The following AP3S2 variants were observed in gnomAD, a reference collection of about 807,000 sequenced individuals.
AP3S2 encodes adaptor related protein complex 3 subunit sigma 2.
A neutral mutation model predicts 23.4 loss-of-function variants in AP3S2; 22 were observed. The observed-to-expected ratio is 0.94, with a 90% CI of 0.67 to 1.34. The LOEUF (loss-of-function observed/expected upper bound fraction) is 1.34, where lower values mean the gene tolerates loss of function less well. Among genes scored for constraint, AP3S2 ranks in the 40% most tolerant of loss-of-function variants. AP3S2 has a pLI of 0.00. For missense variants in AP3S2, 241 were observed against 236.9 expected, an observed-to-expected ratio of 1.02 and a Z score of -0.11; for synonymous variants, 86 against 87.1, an observed-to-expected ratio of 0.99 and a Z score of 0.07.
At chr15:89,889,632 G>A (rs768932698) in intron 1 of AP3S2, among the ~76,000 whole-genome samples, 36 of 151,848 alleles carry the variant, frequency 2.4e-4, no homozygotes, top group Non-Finnish European at 1.8e-4. Context: ...TCAGGAGTTC[G>A]AGACCAGCCT....
At chr15:89,890,868 T>C (rs773601820) in intron 1 of AP3S2, among the ~76,000 whole-genome samples, 3 of 152,246 alleles carry the variant, frequency 2.0e-5, no homozygotes, top group Non-Finnish European at 4.4e-5. Flanking sequence ...ATGGAATGGC[T>C]CACAGTATTT....
intron 3 of AP3S2, chr15:89,883,819 A>T (rs556702503): frequency 1.3e-5 from 2 of 152,234 alleles, no homozygotes; most frequent in African/African-American, 4.8e-5. Context: ...GGAAAGGGGA[A>T]GAAGGATATT....
At chr15:89,848,859 T>C (rs950985692) in intron 4 of AP3S2, 2 of 152,230 alleles carry the variant, frequency 1.3e-5, no homozygotes, top group African/African-American at 4.8e-5. Flanking sequence ...AGTCAGACTC[T>C]AGTTCCCATA....
chr15:89,868,181 C>T lies in AP3S2; in HGVS notation c.345+3294G>A, dbSNP rs1438702330. 5.7e-5 allele frequency among the ~76,000 whole-genome samples: 4 copies of T among 69,766 alleles called. 1 individual carries two copies. Among genetic ancestry groups the T allele is most frequent in the Non-Finnish European group, 1.0e-4 (3 of 29,986 alleles). 45.8% of individuals were successfully genotyped at this position (69,766 alleles called of 152,430 possible). A position where few individuals can be genotyped will look rare whatever the true frequency, so the allele number is the denominator to read the frequency against. On this transcript the variant is annotated intron_variant, in intron 4 of 5. Transcript: ENST00000336418. Reference sequence around the variant, plus strand: ...GAGGGAGGTGGGGGGGTCAGCCCCCCGCCTGGCCAGCTGCCCCGTCCGGGA... The same window carrying T: ...GAGGGAGGTGGGGGGGTCAGCCCCCTGCCTGGCCAGCTGCCCCGTCCGGGA...
At chr15:89,876,427 A>G (rs1896444793) in intron 3 of AP3S2, 1 of 152,354 alleles carries the variant, frequency 6.6e-6, no homozygotes, top group South Asian at 2.1e-4. Flanking sequence ...TCCAAAAAGG[A>G]AAGAAAAAAA....
intron 1 of AP3S2, chr15:89,889,440 A>C: frequency 3.5e-6 from 1 of 288,130 alleles, no homozygotes; most frequent in Non-Finnish European, 6.7e-6. Flanking sequence ...ATAAACTCTC[A>C]TACAAAGTCA....
At position 89,883,401 on chromosome 15, in the gene AP3S2, C is replaced by CTT. The variant is rs545156078; in HGVS notation, c.273+5118_273+5119dup. On this transcript the variant is annotated intron_variant, in intron 3 of 5. Coordinates refer to ENST00000336418, the MANE Select transcript of AP3S2 (RefSeq NM_005829.5). ...TTAGAGTAAACAATAAAAGATACTCCTTTTTTTTTTTTGAGACAGAATCTC... is the reference window on the plus strand; with the variant it reads ...TTAGAGTAAACAATAAAAGATACTCCTTTTTTTTTTTTTTGAGACAGAATCTC... Among the ~76,000 whole-genome samples, 300 of 145,760 alleles carry CTT rather than the reference C, an allele frequency of 2.1e-3. 1 individual carries two copies. Among genetic ancestry groups the CTT allele is most frequent in the African/African-American group, 7.1e-3 (284 of 40,020 alleles).
chr15:89,854,549 C>T (rs1895764220), intron 4 of AP3S2, among the ~76,000 whole-genome samples: 2 of 88,576 alleles, frequency 2.3e-5, no homozygotes, highest in Admixed American at 9.7e-5. Flanking sequence ...CCCGGCCAGC[C>T]GCCCCGTCCG....
intron 4 of AP3S2, among the ~76,000 whole-genome samples, chr15:89,844,598 C>T (rs1219422099): frequency 6.6e-6 from 1 of 151,972 alleles, no homozygotes; most frequent in Non-Finnish European, 1.5e-5. Context: ...ATCCTCCCGC[C>T]TCAGCCTTCC....
intron 4 of AP3S2, among the ~76,000 whole-genome samples, chr15:89,867,035 T>C (rs1287239473): frequency 4.1e-5 from 4 of 96,488 alleles, no homozygotes; most frequent in Non-Finnish European, 5.9e-5. Context: ...CCTCTCCCTC[T>C]CCCTCTCCCT....
At chr15:89,890,793 A>G (rs1896802092) in intron 1 of AP3S2, among the ~76,000 whole-genome samples, 1 of 152,242 alleles carries the variant, frequency 6.6e-6, no homozygotes, top group Non-Finnish European at 1.5e-5. Flanking sequence ...GGTTATTTAA[A>G]AGAAACAGAG....
chr15:89,836,687 A>G (rs769713404), intron 5 of AP3S2, among the ~76,000 whole-genome samples: 7 of 151,996 alleles, frequency 4.6e-5, no homozygotes, highest in Non-Finnish European at 7.4e-5. Flanking sequence ...CCGGATACCA[A>G]CTCTGCTTCT....
At chr15:89,874,063 T>C (rs747677776) in intron 3 of AP3S2, among the ~76,000 whole-genome samples, 14 of 151,730 alleles carry the variant, frequency 9.2e-5, no homozygotes, top group Non-Finnish European at 1.0e-4. Flanking sequence ...TTCGTATTTT[T>C]AGTAGAGATA....
At chr15:89,840,875 C>T (rs1895313822) in intron 4 of AP3S2, among the ~76,000 whole-genome samples, 1 of 152,192 alleles carries the variant, frequency 6.6e-6, no homozygotes, top group Non-Finnish European at 1.5e-5. Flanking sequence ...TCCTCAGAAT[C>T]CCAAACTATG....
At chr15:89,863,642 T>C (rs551387616) in intron 4 of AP3S2, among the ~76,000 whole-genome samples, 9 of 152,276 alleles carry the variant, frequency 5.9e-5, no homozygotes, top group African/African-American at 2.2e-4. Context: ...ATAAACAACT[T>C]GGCAGAGCCA....
At chr15:89,887,235 C>G (rs919561455) in intron 3 of AP3S2, among the ~76,000 whole-genome samples, 1 of 152,048 alleles carries the variant, frequency 6.6e-6, no homozygotes, top group Non-Finnish European at 1.5e-5. Context: ...GTGAATACGA[C>G]GTATGAAATT....
At chr15:89,893,609 C>A in intron 1 of AP3S2, 6 of 502,676 alleles carry the variant, frequency 1.2e-5, no homozygotes, top group Non-Finnish European at 3.5e-6. Flanking sequence ...GCTTCTATCT[C>A]GTTCCCAGAG....
intron 4 of AP3S2, among the ~76,000 whole-genome samples, chr15:89,852,117 C>A (rs929658700): frequency 1.3e-5 from 2 of 152,244 alleles, no homozygotes; most frequent in Non-Finnish European, 2.9e-5. Context: ...CTATCACTTA[C>A]CAGCTGTGTG....
intron 4 of AP3S2, among the ~76,000 whole-genome samples, chr15:89,866,539 G>A (rs1413049180): frequency 6.7e-6 from 1 of 150,270 alleles, no homozygotes; most frequent in Non-Finnish European, 1.5e-5. Flanking sequence ...AGGCTGAAGT[G>A]CAATGGCATG....
Sources: allele counts gnomAD v4.1 joint callset (sites outside exome capture counted in the v4.1 genomes callset), GRCh38; gene constraint gnomAD v4.1.1; transcripts MANE v1.5; gene names NCBI Gene and HGNC (gene_info 2026-07-23, HGNC 2026-07-21).